The following NRG2 variants were observed in gnomAD, a reference collection of about 807,000 sequenced individuals.
The protein encoded by NRG2 is pro-neuregulin-2, membrane-bound isoform.
A neutral mutation model predicts 73.9 loss-of-function variants in NRG2; 27 were observed. The ratio of observed to expected loss-of-function variants is 0.37; its 90% CI spans 0.27 to 0.50. The LOEUF (loss-of-function observed/expected upper bound fraction) is 0.50. NRG2 is among the 20% of genes least tolerant of loss of function. The probability of loss-of-function intolerance (pLI) is 0.96; values close to 1 mark genes in which losing one functional copy is unlikely to be tolerated. For synonymous variants in NRG2, 532 were observed against 541.0 expected, an observed-to-expected ratio of 0.98 and a Z score of 0.23; for missense variants, 1,126 against 1,210.1, an observed-to-expected ratio of 0.93 and a Z score of 1.03.
chr5:139,972,112 G>A (rs913414291), intron 1 of NRG2, among the ~76,000 whole-genome samples: 1 of 152,128 alleles, frequency 6.6e-6, no homozygotes, highest in Non-Finnish European at 1.5e-5. Flanking sequence ...GGACCAGTGC[G>A]TATATAAAAT....
intron 1 of NRG2, among the ~76,000 whole-genome samples, chr5:140,041,233 G>C (rs1031799759): frequency 2.0e-5 from 3 of 152,116 alleles, no homozygotes; most frequent in African/African-American, 7.2e-5. Context: ...ATAATTCAGC[G>C]ATTACACAGT....
At chr5:139,877,470 T>C (rs1330113448) in intron 3 of NRG2, among the ~76,000 whole-genome samples, 2 of 152,218 alleles carry the variant, frequency 1.3e-5, no homozygotes, top group African/African-American at 4.8e-5. Flanking sequence ...CAACCCACCT[T>C]GGGATGAGTC....
At chr5:139,979,996 C>T (rs1383985037) in intron 1 of NRG2, among the ~76,000 whole-genome samples, 3 of 152,150 alleles carry the variant, frequency 2.0e-5, no homozygotes, top group Non-Finnish European at 2.9e-5. Flanking sequence ...TTTGGTAACA[C>T]CAGAAACAAA....
chr5:139,915,771 T>C lies in NRG2; in HGVS notation c.701-28260A>G, dbSNP rs1010966086. Among the ~76,000 whole-genome samples, 1 of 152,214 alleles carries C rather than the reference T, an allele frequency of 6.6e-6. No individual in the cohort carries two copies. The highest frequency in any genetic ancestry group is 1.5e-5 in the Non-Finnish European group (1 of 68,038). On this transcript the variant is annotated intron_variant, in intron 1 of 9. Transcript: ENST00000361474. This position sits in a 1 kb window ranked among gnomAD's most constrained non-coding sequence, Gnocchi z 4.0. ...CTAGTTAAAATGAAAGGAAGGATCA[T>C]GGTGACATTTGTATCGCAAAAGATG...
chr5:140,021,104 C>T (rs180673467), intron 1 of NRG2, among the ~76,000 whole-genome samples: 41 of 152,348 alleles, frequency 2.7e-4, no homozygotes, highest in Middle Eastern at 3.4e-3. Context: ...TTTCATACAG[C>T]CCTTGGCAGT....
At position 139,910,942 on chromosome 5, in the gene NRG2, A is replaced by G. The variant is rs543330576; in HGVS notation, c.701-23431T>C. Reference sequence around the variant, plus strand: ...GCAGACCCATCCCAGGAGAAGCCTCAGGAGCAAACTGGGAGGGACCAGAAG... The same window carrying G: ...GCAGACCCATCCCAGGAGAAGCCTCGGGAGCAAACTGGGAGGGACCAGAAG... On this transcript the variant is annotated intron_variant, in intron 1 of 9. Coordinates refer to ENST00000361474, the MANE Select transcript of NRG2 (RefSeq NM_004883.3). Among the ~76,000 whole-genome samples the G allele has an allele frequency of 1.2e-4, 19 of 152,304 alleles. 1 individual carries two copies. The highest frequency in any genetic ancestry group is 4.6e-4 in the African/African-American group (19 of 41,566).
chr5:139,859,345 G>A (rs1201870369), intron 5 of NRG2, among the ~76,000 whole-genome samples: 2 of 152,180 alleles, frequency 1.3e-5, no homozygotes, highest in East Asian at 3.9e-4. Context: ...CAGGCAGACA[G>A]ACACAGGGCA....
chr5:139,898,877 C>G (rs1409041993), intron 1 of NRG2, among the ~76,000 whole-genome samples: 2 of 152,218 alleles, frequency 1.3e-5, no homozygotes, highest in Non-Finnish European at 2.9e-5. Flanking sequence ...TTCCAAGCCT[C>G]CACACCTCCT....
intron 1 of NRG2, among the ~76,000 whole-genome samples, chr5:139,893,017 G>T (rs147906894): frequency 6.6e-6 from 1 of 152,218 alleles, no homozygotes; most frequent in African/African-American, 2.4e-5. Flanking sequence ...TTGTTGTTTT[G>T]TTACATAAGA....
At chr5:139,850,269 C>A (rs1426399226) in intron 9 of NRG2, among the ~76,000 whole-genome samples, 1 of 152,194 alleles carries the variant, frequency 6.6e-6, no homozygotes, top group Non-Finnish European at 1.5e-5. Context: ...CTTTTGTTCT[C>A]CCTGTTCTAC....
intron 1 of NRG2, among the ~76,000 whole-genome samples, chr5:139,930,836 C>A (rs1752419675): frequency 6.6e-6 from 1 of 152,202 alleles, no homozygotes; most frequent in African/African-American, 2.4e-5. Context: ...TCTGAAGTAA[C>A]AAGACGCTGT....
chr5:139,857,715 C>G (rs2127020020), intron 5 of NRG2, among the ~76,000 whole-genome samples: 1 of 152,236 alleles, frequency 6.6e-6, no homozygotes, highest in Middle Eastern at 3.4e-3. Flanking sequence ...TGCTTCCTTA[C>G]CCTCTTTTCA....
chr5:140,026,901 A>G (rs1332705356), intron 1 of NRG2, among the ~76,000 whole-genome samples: 1 of 152,172 alleles, frequency 6.6e-6, no homozygotes, highest in East Asian at 1.9e-4. Context: ...TTTGAATTAT[A>G]TCTTTTGTTA....
chr5:139,889,064 G>A (rs1022328268), intron 1 of NRG2, among the ~76,000 whole-genome samples: 4 of 152,198 alleles, frequency 2.6e-5, no homozygotes. Context: ...ATAAGCAGGA[G>A]TATCTGGAGA....
At chr5:139,875,821 C>A (rs1413291498) in intron 3 of NRG2, among the ~76,000 whole-genome samples, 1 of 152,026 alleles carries the variant, frequency 6.6e-6, no homozygotes, top group Non-Finnish European at 1.5e-5. Context: ...TGGCCAGAAT[C>A]AAAAAGAAGG....
At position 139,865,004 on chromosome 5, in the gene NRG2, G is replaced by A. The variant is rs764424677; in HGVS notation, c.1189+545C>T. The A allele has an allele frequency of 2.3e-5, 21 of 922,438 alleles. No individual in the cohort carries two copies. Among genetic ancestry groups the A allele is most frequent in the Non-Finnish European group, 3.1e-5 (17 of 553,142 alleles). 57.1% of individuals were successfully genotyped at this position (922,438 alleles called of 1,614,324 possible). A position where few individuals can be genotyped will look rare whatever the true frequency, so the allele number is the denominator to read the frequency against. ...GGTGTTTCCGTCTCCTCTAAGGAGC[G>A]CAGGACACCCTCTACATCTCCCCCT... On this transcript the variant is annotated intron_variant, in intron 5 of 9. Coordinates refer to ENST00000361474, the MANE Select transcript of NRG2 (RefSeq NM_004883.3). The surrounding 1 kb of genome is among the most constrained non-coding windows in gnomAD (Gnocchi z 5.2).
At chr5:139,918,341 T>A (rs760968246) in intron 1 of NRG2, among the ~76,000 whole-genome samples, 1 of 152,134 alleles carries the variant, frequency 6.6e-6, no homozygotes, top group Admixed American at 6.5e-5. Context: ...AATGGTAACA[T>A]AAGGTGATGG....
At chr5:139,890,608 CTCCT>C (rs1764159274) in intron 1 of NRG2, among the ~76,000 whole-genome samples, 1 of 152,008 alleles carries the variant, frequency 6.6e-6, no homozygotes, top group Admixed American at 6.6e-5. Context: ...ACCTCCCTCC[CTCCT>C]GCATCTGCTC....
At chr5:139,984,963 T>G (rs1008095715) in intron 1 of NRG2, among the ~76,000 whole-genome samples, 7 of 152,208 alleles carry the variant, frequency 4.6e-5, no homozygotes, top group African/African-American at 1.7e-4. Flanking sequence ...TCTTCAACCT[T>G]GTCTTCCAGG....
Sources: allele counts gnomAD v4.1 joint callset (sites outside exome capture counted in the v4.1 genomes callset), GRCh38; gene constraint gnomAD v4.1.1; non-coding constraint Gnocchi (gnomAD v3.1); transcripts MANE v1.5; gene names NCBI Gene and HGNC (gene_info 2026-07-23, HGNC 2026-07-21).